Variants in RBL1 observed in about 807,000 individuals in gnomAD.
RBL1 encodes RB transcriptional corepressor like 1.
RBL1 carries 82 observed loss-of-function variants against 123.0 expected under a neutral mutation model. The observed-to-expected ratio is 0.67, with a 90% confidence interval of 0.56 to 0.80. The LOEUF (loss-of-function observed/expected upper bound fraction) is 0.80, where lower values mean the gene tolerates loss of function less well. Among genes scored for constraint, RBL1 ranks in the 30% least tolerant of loss-of-function variants. The probability of loss-of-function intolerance (pLI) is 0.00; values close to 1 mark genes in which losing one functional copy is unlikely to be tolerated. For missense variants in RBL1, 1,171 were observed against 1,299.6 expected, an observed-to-expected ratio of 0.90 and a Z score of 1.52; for synonymous variants, 405 against 441.3, an observed-to-expected ratio of 0.92 and a Z score of 1.03.
rs371495495 is a variant in RBL1 at position 37,035,448 on chromosome 20, C to T, written c.1964G>A (p.Ser655Asn). The T allele has an allele frequency of 6.2e-6, 10 of 1,613,498 alleles. No homozygotes were observed. Among genetic ancestry groups the T allele is most frequent in the Non-Finnish European group, 8.5e-6 (10 of 1,179,684 alleles). The part of the protein sequence containing the change: ...HERYSSPTAG[S>N]AKRRLFGEDP... ...CTCTCCAAAGAGTCTTCTCTTAGCA[C>T]TCCCTGCGGTAGGAGAACTGTAGCG... Residue 655 changes from serine (S) to asparagine (N), a missense_variant, in exon 15 of 22, where the codon AGT (serine) becomes AAT (asparagine). Ser to Asn is a conservative substitution (Grantham distance 46, BLOSUM62 1). Transcript: ENST00000373664.
At chr20:37,024,359 C>A (rs1304318157) in intron 16 of RBL1, among the ~76,000 whole-genome samples, 1 of 152,102 alleles carries the variant, frequency 6.6e-6, no homozygotes, top group Non-Finnish European at 1.5e-5. Flanking sequence ...ACTTTATATT[C>A]ATGAAAGGAG....
At chr20:37,074,796 G>A (rs2065338178) in intron 2 of RBL1, among the ~76,000 whole-genome samples, 1 of 152,144 alleles carries the variant, frequency 6.6e-6, no homozygotes, top group African/African-American at 2.4e-5. Context: ...CTGCACTCCA[G>A]CCTGGGTGAC....
intron 21 of RBL1, among the ~76,000 whole-genome samples, chr20:37,001,283 G>C (rs1446279713): frequency 6.6e-6 from 1 of 152,202 alleles, no homozygotes; most frequent in South Asian, 2.1e-4. Flanking sequence ...ATTGAGAACC[G>C]GCCATGATGA....
intron 8 of RBL1, 52 bp downstream of exon 8, chr20:37,062,032 A>G: frequency 6.6e-7 from 1 of 1,519,440 alleles, no homozygotes; most frequent in Admixed American, 2.0e-5. Context: ...GTAGAATCAC[A>G]CACAGAGAGA....
intron 2 of RBL1, among the ~76,000 whole-genome samples, chr20:37,072,603 C>T (rs2065299229): frequency 1.3e-5 from 2 of 152,216 alleles, no homozygotes; most frequent in Admixed American, 6.5e-5. Context: ...TACCACTAAA[C>T]AGATCAGCTT....
chr20:37,007,372 A>T lies in RBL1; in HGVS notation c.2871+39T>A, dbSNP rs756652079. On this transcript the variant is annotated intron_variant, in intron 20 of 21. Transcript: ENST00000373664. The stretch of plus-strand genomic sequence containing the variant: ...ATAAACTTATAGTAATCCAACTATG[A>T]CAGCAAATAATAATAAAGTAGTAAA... 1.4e-5 allele frequency: 22 copies of T among 1,590,164 alleles called. 1 individual carries two copies. The South Asian group carries it at 2.4e-4, about 17-fold the overall frequency.
At chr20:37,089,253 A>G (rs1172290877) in intron 1 of RBL1, 131 bp from the exon 2 acceptor site, 4 of 861,686 alleles carry the variant, frequency 4.6e-6, no homozygotes, top group Admixed American at 3.6e-5. Flanking sequence ...AGAAGTGAAG[A>G]TATTTGCCCA....
chr20:37,074,520 A>G (rs1208860770), intron 2 of RBL1, among the ~76,000 whole-genome samples: 1 of 152,132 alleles, frequency 6.6e-6, no homozygotes, highest in East Asian at 1.9e-4. Context: ...GGGAAATGCA[A>G]ATCAAAACTG....
At chr20:37,049,560 G>A in intron 11 of RBL1, 1 of 756,344 alleles carries the variant, frequency 1.3e-6, no homozygotes, top group Non-Finnish European at 2.4e-6. Context: ...AATATTATAA[G>A]GTAGATGAGA....
intron 21 of RBL1, among the ~76,000 whole-genome samples, chr20:37,002,992 A>C (rs1440516086): frequency 6.6e-6 from 1 of 152,106 alleles, no homozygotes. Context: ...CCAAAGTGCT[A>C]GGATTACAGG....
chr20:37,094,386 C>T (rs1023741427), intron 1 of RBL1, among the ~76,000 whole-genome samples: 25 of 152,230 alleles, frequency 1.6e-4, no homozygotes, highest in African/African-American at 6.0e-4. Flanking sequence ...TTGTCCTTTA[C>T]CCAGTCTATC....
chr20:36,999,197 A>G (rs191009478), intron 21 of RBL1, among the ~76,000 whole-genome samples: 1 of 152,170 alleles, frequency 6.6e-6, no homozygotes, highest in East Asian at 1.9e-4. Flanking sequence ...ACTTGAGCCC[A>G]GGAGTTTCAG....
chr20:37,079,234 A>T (rs1046932541), intron 2 of RBL1, among the ~76,000 whole-genome samples: 1 of 150,542 alleles, frequency 6.6e-6, no homozygotes, highest in Non-Finnish European at 1.5e-5. Context: ...CTCAAATGCC[A>T]TAACAGCAGT....
chr20:37,067,132 G>GAAAAAAA lies in RBL1; in HGVS notation c.557-18_557-12dup. ...TCATCCGAAAATTACCTTTATAAGG[G>GAAAAAAA]AAAAAAAAAAAAAAAAGACACAAAA... On this transcript the variant is annotated splice_polypyrimidine_tract_variant and intron_variant, in intron 4 of 21. Coordinates refer to ENST00000373664, the MANE Select transcript of RBL1 (RefSeq NM_002895.5). The GAAAAAAA allele has an allele frequency of 7.0e-7, 1 of 1,424,330 alleles. No homozygotes were observed. The allele number at this position is 1,424,330 out of a possible 1,614,324, so 88.2% of individuals were successfully genotyped here.
At chr20:37,065,904 G>A (rs754447919) in intron 6 of RBL1, among the ~76,000 whole-genome samples, 13 of 152,246 alleles carry the variant, frequency 8.5e-5, no homozygotes, top group Admixed American at 2.0e-4. Context: ...GTGAGCCACC[G>A]CGCCCAGTCC....
Position 37,002,336 on chromosome 20 carries a change from G to GTTTTTTTTTTTTTTTTT in RBL1, c.3036+1349_3036+1365dup, listed in dbSNP as rs965408801. The stretch of plus-strand genomic sequence containing the variant: ...TGAGCCACCGTGCCTAGCCTTATCT[G>GTTTTTTTTTTTTTTTTT]TTTTTTTTTTTTTTTTTTTTTTTTG... On this transcript the variant is annotated intron_variant, in intron 21 of 21. Transcript: ENST00000373664. Among the ~76,000 whole-genome samples, 4 of 76,348 alleles carry GTTTTTTTTTTTTTTTTT rather than the reference G, an allele frequency of 5.2e-5. 1 individual carries two copies. Among genetic ancestry groups the GTTTTTTTTTTTTTTTTT allele is most frequent in the East Asian group, 1.4e-3 (2 of 1,440 alleles). The allele number at this position is 76,348 out of a possible 152,430, so 50.1% of individuals were successfully genotyped here.
chr20:37,039,214 T>C (rs2064681544), intron 14 of RBL1, among the ~76,000 whole-genome samples: 1 of 152,178 alleles, frequency 6.6e-6, no homozygotes. Context: ...TAAAAATAAC[T>C]AGTTTATTAG....
chr20:37,093,993 AGCAAAC>A, intron 1 of RBL1, among the ~76,000 whole-genome samples: 1 of 152,134 alleles, frequency 6.6e-6, no homozygotes, highest in Non-Finnish European at 1.5e-5. Flanking sequence ...AAATAAGTAG[AGCAAAC>A]ATTGAAGATG....
At chr20:37,001,771 G>GA (rs1241710765) in intron 21 of RBL1, among the ~76,000 whole-genome samples, 3,988 of 109,502 alleles carry the variant, frequency 0.036, 141 homozygotes, top group African/African-American at 0.096. Flanking sequence ...AAAAAAAATG[G>GA]AAAAAAAAAA....
Sources: allele counts gnomAD v4.1 joint callset (sites outside exome capture counted in the v4.1 genomes callset), GRCh38; gene constraint gnomAD v4.1.1; transcripts MANE v1.5; gene names NCBI Gene and HGNC (gene_info 2026-07-23, HGNC 2026-07-21).